The following TMTC1 variants were observed in gnomAD, a reference collection of about 807,000 sequenced individuals.
The protein encoded by TMTC1 is transmembrane O-mannosyltransferase targeting cadherins 1, also known as protein O-mannosyl-transferase TMTC1.
TMTC1 carries 73 observed loss-of-function variants against 104.8 expected under a neutral mutation model. The ratio of observed to expected loss-of-function variants is 0.70; its 90% CI spans 0.58 to 0.85. The LOEUF (loss-of-function observed/expected upper bound fraction) is 0.85, where lower values mean the gene tolerates loss of function less well. Among genes scored for constraint, TMTC1 ranks in the 40% least tolerant of loss-of-function variants. The pLI is 0.00. For missense variants in TMTC1, 1,035 were observed against 1,096.1 expected, an observed-to-expected ratio of 0.94 and a Z score of 0.79; for synonymous variants, 434 against 428.7, an observed-to-expected ratio of 1.01 and a Z score of -0.15.
At chr12:29,647,564 T>C (rs1351442236) in intron 5 of TMTC1, among the ~76,000 whole-genome samples, 1 of 152,248 alleles carries the variant, frequency 6.6e-6, no homozygotes, top group African/African-American at 2.4e-5. Flanking sequence ...TGTGTCTCTT[T>C]AAAACCATCA....
At chr12:29,746,957 A>T (rs755176709) in intron 5 of TMTC1, among the ~76,000 whole-genome samples, 12 of 152,326 alleles carry the variant, frequency 7.9e-5, no homozygotes, top group Non-Finnish European at 1.2e-4. Context: ...CCTGACACAT[A>T]GTAGGTGCTC....
chr12:29,772,198 T>G (rs1943609602), intron 1 of TMTC1, among the ~76,000 whole-genome samples: 2 of 152,152 alleles, frequency 1.3e-5, no homozygotes, highest in African/African-American at 4.8e-5. Flanking sequence ...TTCCAGCTTC[T>G]CTTGAAATAT....
chr12:29,539,552 C>T (rs1944737506), intron 10 of TMTC1, among the ~76,000 whole-genome samples: 1 of 152,238 alleles, frequency 6.6e-6, no homozygotes, highest in Admixed American at 6.5e-5. Flanking sequence ...ATGGTTCTGA[C>T]TAGCATTCCA....
chr12:29,602,147 A>T (rs945946050), intron 7 of TMTC1, among the ~76,000 whole-genome samples: 3 of 146,386 alleles, frequency 2.0e-5, no homozygotes, highest in Admixed American at 2.0e-4. Context: ...CATGTTTTTA[A>T]ATTTATTTTT....
chr12:29,711,373 G>C (rs1941921913), intron 5 of TMTC1, among the ~76,000 whole-genome samples: 2 of 152,182 alleles, frequency 1.3e-5, no homozygotes, highest in Non-Finnish European at 2.9e-5. Context: ...GATTATTAAA[G>C]TAAAACAGTC....
intron 5 of TMTC1, among the ~76,000 whole-genome samples, chr12:29,683,759 C>A (rs1037938339): frequency 6.6e-6 from 1 of 152,090 alleles, no homozygotes; most frequent in Non-Finnish European, 1.5e-5. Context: ...AATAGACTCT[C>A]CTAATTATTC....
At chr12:29,669,602 G>T (rs1443280194) in intron 5 of TMTC1, among the ~76,000 whole-genome samples, 2 of 152,180 alleles carry the variant, frequency 1.3e-5, no homozygotes, top group East Asian at 3.8e-4. Context: ...AGTAGATAGA[G>T]AGACCTTATC....
intron 2 of TMTC1, among the ~76,000 whole-genome samples, chr12:29,766,156 G>A (rs1943459156): frequency 6.6e-6 from 1 of 152,114 alleles, no homozygotes; most frequent in African/African-American, 2.4e-5. Context: ...ACAAAGAGTT[G>A]GGAAAATGAC....
chr12:29,610,961 AAATG>A (rs2136427159), intron 6 of TMTC1, among the ~76,000 whole-genome samples: 1 of 152,250 alleles, frequency 6.6e-6, no homozygotes, highest in Non-Finnish European at 1.5e-5. Context: ...TTAAAAGGGG[AAATG>A]AATGAAGAAA....
At chr12:29,555,790 T>A (rs996148659) in intron 10 of TMTC1, among the ~76,000 whole-genome samples, 2 of 152,366 alleles carry the variant, frequency 1.3e-5, no homozygotes, top group African/African-American at 4.8e-5. Flanking sequence ...AACATATGTG[T>A]GCATGTGTCT....
intron 2 of TMTC1, among the ~76,000 whole-genome samples, chr12:29,763,838 C>T (rs917771142): frequency 6.6e-6 from 1 of 151,996 alleles, no homozygotes; most frequent in South Asian, 2.1e-4. Context: ...ACAAGAATGG[C>T]AGAGAAAGAG....
At chr12:29,650,576 T>C (rs377678592) in intron 5 of TMTC1, among the ~76,000 whole-genome samples, 1 of 152,184 alleles carries the variant, frequency 6.6e-6, no homozygotes, top group East Asian at 1.9e-4. Context: ...GACCAGATCA[T>C]GGTGAAATGT....
intron 5 of TMTC1, among the ~76,000 whole-genome samples, chr12:29,653,422 T>TCA (rs1939614036): frequency 6.6e-6 from 1 of 152,110 alleles, no homozygotes; most frequent in South Asian, 2.1e-4. Context: ...AAGGAAGCAG[T>TCA]CATCAGCAAT....
chr12:29,659,429 G>A (rs973759654), intron 5 of TMTC1, among the ~76,000 whole-genome samples: 2 of 152,136 alleles, frequency 1.3e-5, no homozygotes, highest in Non-Finnish European at 2.9e-5. Context: ...AAAGGAACCT[G>A]GCACCTCCGC....
At chr12:29,574,966 G>A (rs1051905874) in intron 8 of TMTC1, among the ~76,000 whole-genome samples, 1 of 152,158 alleles carries the variant, frequency 6.6e-6, no homozygotes, top group East Asian at 1.9e-4. Flanking sequence ...TTTACTTTCT[G>A]CCTGATGCTT....
chr12:29,608,129 C>A (rs1219436509), intron 6 of TMTC1, among the ~76,000 whole-genome samples: 1 of 152,154 alleles, frequency 6.6e-6, no homozygotes, highest in Non-Finnish European at 1.5e-5. Flanking sequence ...GAACAACATA[C>A]TTATTTGAAA....
chr12:29,513,449 C>A (rs1283025913), intron 16 of TMTC1, among the ~76,000 whole-genome samples: 1 of 152,026 alleles, frequency 6.6e-6, no homozygotes, highest in Non-Finnish European at 1.5e-5. Flanking sequence ...GAAAATCCTA[C>A]AAATTCTGAG....
chr12:29,545,020 T>C (rs1411595659), intron 10 of TMTC1, among the ~76,000 whole-genome samples: 2 of 152,268 alleles, frequency 1.3e-5, no homozygotes, highest in African/African-American at 4.8e-5. Flanking sequence ...TAAAAGAACA[T>C]GAGTGATATG....
intron 10 of TMTC1, among the ~76,000 whole-genome samples, chr12:29,541,563 C>G (rs1443847198): frequency 6.6e-6 from 1 of 151,998 alleles, no homozygotes; most frequent in African/African-American, 2.4e-5. Context: ...TAAATAATAT[C>G]CTTCCACATT....
Sources: gnomAD v4.1 joint callset for allele counts (sites outside exome capture counted in the v4.1 genomes callset) on GRCh38, gnomAD v4.1.1 for gene constraint, MANE v1.5 for transcripts, NCBI Gene and HGNC (gene_info 2026-07-23, HGNC 2026-07-21) for gene names.